ICE2: variants seen among roughly 807,000 people sequenced by gnomAD.
ICE2 encodes little elongation complex subunit 2.
ICE2 carries 87 observed loss-of-function variants against 105.4 expected under a neutral mutation model. That is an observed-to-expected ratio of 0.83 (90% CI 0.69 to 0.99). ICE2 has a LOEUF of 0.99. Among genes scored for constraint, ICE2 ranks in the 50% least tolerant of loss-of-function variants. ICE2 has a pLI of 0.00. For synonymous variants in ICE2, 399 were observed against 392.0 expected (o/e 1.02, Z -0.21); for missense variants, 1,323 against 1,146.7 (o/e 1.15, Z -2.22).
At chr15:60,437,797 G>A (rs1193882179) in intron 12 of ICE2, 2 of 150,760 alleles carry the variant, frequency 1.3e-5, no homozygotes, top group Non-Finnish European at 2.9e-5. Context: ...GACTATAGTT[G>A]TGTGCCACCA....
chr15:60,452,781 G>C (rs766071959), intron 9 of ICE2: 113 of 785,804 alleles, frequency 1.4e-4, no homozygotes, highest in Non-Finnish European at 1.7e-4. Context: ...GTAATATCAT[G>C]ATGCCCATTT....
chr15:60,464,840 G>C lies in ICE2; in HGVS notation c.528+1754C>G, dbSNP rs568022248. Among the ~76,000 whole-genome samples the C allele has an allele frequency of 6.6e-5, 10 of 152,212 alleles. No homozygotes were observed. The East Asian group carries it at 7.7e-4, about 12-fold the overall frequency. On this transcript the variant is annotated intron_variant, in intron 5 of 15. Transcript: ENST00000261520. Reference sequence around the variant, plus strand: ...GAGACCAGCCTGGTGAACACAGGAGGCCCTGTATCTAAAAAAAGTTAGCTG... The same window carrying C: ...GAGACCAGCCTGGTGAACACAGGAGCCCCTGTATCTAAAAAAAGTTAGCTG...
chr15:60,448,995 G>A lies in ICE2; in HGVS notation c.1972C>T (p.Pro658Ser). ...AATTCTGGTACTTTTCTGGAAATTG[G>A]CTTTAAGAGCTCATCCTGCATTTTT... ...ILKMQDELLK[P>S]ISRKVPELPL... The change falls in exon 10 of 16, where the codon CCA becomes TCA. Residue 658 changes from proline (P) to serine (S), a missense_variant. By Grantham distance (74) the Pro-to-Ser change is moderately conservative. Transcript: ENST00000261520. 1 of 1,613,888 alleles carries A rather than the reference G, an allele frequency of 6.2e-7. No homozygotes were observed. The highest frequency in any genetic ancestry group is 1.1e-5 in the South Asian group (1 of 91,070).
chr15:60,458,857 C>T (rs1311735186), intron 5 of ICE2, among the ~76,000 whole-genome samples: 8 of 152,004 alleles, frequency 5.3e-5, no homozygotes, highest in Non-Finnish European at 1.0e-4. Context: ...AAGCCAGTCA[C>T]AAAAAGACAG....
At chr15:60,468,578 G>C (rs997915146) in intron 3 of ICE2, among the ~76,000 whole-genome samples, 2 of 152,150 alleles carry the variant, frequency 1.3e-5, no homozygotes, top group African/African-American at 4.8e-5. Context: ...ATTCAATTTA[G>C]AAGTTTTTTT....
intron 11 of ICE2, among the ~76,000 whole-genome samples, chr15:60,446,356 C>A (rs1295626016): frequency 6.6e-6 from 1 of 151,264 alleles, no homozygotes; most frequent in African/African-American, 2.4e-5. Context: ...GTAGTCAAAC[C>A]CTCATGCCGC....
intron 15 of ICE2, among the ~76,000 whole-genome samples, chr15:60,424,131 A>C (rs1301900583): frequency 2.0e-5 from 3 of 152,156 alleles, no homozygotes; most frequent in African/African-American, 7.2e-5. Flanking sequence ...AGGAAGGAGT[A>C]ATAGGGAGGG....
intron 15 of ICE2, among the ~76,000 whole-genome samples, chr15:60,426,790 A>C (rs921758942): frequency 1.4e-4 from 21 of 152,230 alleles, no homozygotes; most frequent in African/African-American, 4.3e-4. Context: ...ACACAGAATT[A>C]CATGTTATAG....
chr15:60,438,079 C>T (rs75420141), intron 12 of ICE2: 38 of 152,156 alleles, frequency 2.5e-4, no homozygotes, highest in African/African-American at 9.2e-4. Flanking sequence ...TAAAACAAAA[C>T]AGGTTGAGAG....
At chr15:60,478,131 G>C (rs752103707) in intron 1 of ICE2, 62 bp from the exon 2 acceptor site, 1 of 679,114 alleles carries the variant, frequency 1.5e-6, no homozygotes, top group Non-Finnish European at 2.6e-6. Flanking sequence ...GTGCTATTAG[G>C]TGAGGAAGAA....
At position 60,455,199 on chromosome 15, in the gene ICE2, T is replaced by C. The variant is rs370528563; in HGVS notation, c.784-37A>G. On this transcript the variant is annotated intron_variant, in intron 7 of 15. Transcript: ENST00000261520. ...CAAGTAATTTGTTACTTGGTTATAC[T>C]TATTGAAAATTTCTTCAATAAAGAA... 1.2e-5 allele frequency: 19 copies of C among 1,546,414 alleles called. 1 individual carries two copies. The highest frequency in any genetic ancestry group is 2.1e-5 in the Admixed American group (1 of 47,550).
At position 60,443,540 on chromosome 15, in the gene ICE2, G is replaced by A. The variant is rs144916332; in HGVS notation, c.2296-995C>T. Among the ~76,000 whole-genome samples, 51 of 152,268 alleles carry A rather than the reference G, an allele frequency of 3.3e-4. 1 individual carries two copies. Among genetic ancestry groups the A allele is most frequent in the East Asian group, 1.2e-3 (6 of 5,188 alleles). Reference sequence around the variant, plus strand: ...TTCATGTGATTTGCCCTTGAACTACGTGCATGTGAGAAATCTGGTGATCTT... The same window carrying A: ...TTCATGTGATTTGCCCTTGAACTACATGCATGTGAGAAATCTGGTGATCTT... On this transcript the variant is annotated intron_variant, in intron 11 of 15. Coordinates refer to ENST00000261520, the MANE Select transcript of ICE2 (RefSeq NM_024611.6).
intron 1 of ICE2, among the ~76,000 whole-genome samples, 159 bp from the exon 2 acceptor site, chr15:60,478,228 T>G (rs2064823166): frequency 6.6e-6 from 1 of 152,150 alleles, no homozygotes. Context: ...AGAGCAGCAA[T>G]GACGATACAG....
rs1248443908 is a variant in ICE2, at chr15:60,453,456, A to G, written c.1125+147T>C. The G allele has an allele frequency of 2.8e-6, 4 of 1,414,498 alleles. No homozygotes were observed. The African/African-American group carries it at 4.3e-5, about 15-fold the overall frequency. 87.6% of individuals were successfully genotyped at this position (1,414,498 alleles called of 1,614,324 possible). On this transcript the variant is annotated intron_variant, in intron 9 of 15. Transcript: ENST00000261520. Reference sequence around the variant, plus strand: ...GAGGGAGGTTAAGTTAGTTGCCTAAAGTCCAGCTAGACTCGAAATTCAATT... The same window carrying G: ...GAGGGAGGTTAAGTTAGTTGCCTAAGGTCCAGCTAGACTCGAAATTCAATT...
In ICE2 at chr15:60,423,504, T is replaced by G. The variant is rs1176633520; in HGVS notation, c.*130A>C. ...AATATTCCTTCACATAGCCAACACA[T>G]TTTTTCAAGGCACTCTAGCTACTAC... On this transcript the variant is annotated 3_prime_UTR_variant, in exon 16 of 16. Coordinates refer to ENST00000261520, the MANE Select transcript of ICE2 (RefSeq NM_024611.6). 18 of 767,550 alleles carry G rather than the reference T, an allele frequency of 2.3e-5. No individual in the cohort carries two copies. Among genetic ancestry groups the G allele is most frequent in the Non-Finnish European group, 3.5e-5 (18 of 509,148 alleles). 47.5% of individuals were successfully genotyped at this position (767,550 alleles called of 1,614,324 possible).
chr15:60,466,770 ACATTCTTAATCATTG>A lies in ICE2; in HGVS notation c.409-72_409-58del. Reference sequence around the variant, plus strand: ...ATAAAAAGTTTCATTAAAAAGAATCACATTCTTAATCATTGCTATAATAATTTGGACTTAAAGAAT... The same window carrying A: ...ATAAAAAGTTTCATTAAAAAGAATCACTATAATAATTTGGACTTAAAGAAT... On this transcript the variant is annotated intron_variant, in intron 4 of 15. Transcript: ENST00000261520. 1.4e-6 allele frequency: 2 copies of A among 1,381,544 alleles called. 1 individual carries two copies. Among genetic ancestry groups the A allele is most frequent in the South Asian group, 2.5e-5 (2 of 79,588 alleles). 85.6% of individuals were successfully genotyped at this position (1,381,544 alleles called of 1,614,324 possible).
chr15:60,457,568 C>CTA (rs1163801465), intron 5 of ICE2, among the ~76,000 whole-genome samples: 2 of 152,078 alleles, frequency 1.3e-5, no homozygotes, highest in African/African-American at 4.8e-5. Context: ...TATCTTTATC[C>CTA]TATATATCTA....
At chr15:60,458,738 CACAA>C (rs1352213134) in intron 5 of ICE2, among the ~76,000 whole-genome samples, 1 of 152,062 alleles carries the variant, frequency 6.6e-6, no homozygotes, top group Admixed American at 6.6e-5. Flanking sequence ...CACGCGCACA[CACAA>C]ACACACACAC....
chr15:60,479,079 C>A lies in ICE2; in HGVS notation c.-169G>T, dbSNP rs974900490. 1.4e-3 allele frequency: 635 copies of A among 450,334 alleles called. 12 individuals carry two copies. The highest frequency in any genetic ancestry group is 2.2e-4 in the Non-Finnish European group (50 of 223,028). The allele number at this position is 450,334 out of a possible 1,614,324, so 27.9% of individuals were successfully genotyped here. On this transcript the variant is annotated 5_prime_UTR_variant, in exon 1 of 16. Transcript: ENST00000261520. ...CTCCACCCCACTCCTCACATTGTCG[C>A]GCGCGCCCAAAAAAGACCATATTTA...
Sources: allele counts gnomAD v4.1 joint callset (sites outside exome capture counted in the v4.1 genomes callset), GRCh38; gene constraint gnomAD v4.1.1; transcripts MANE v1.5; gene names NCBI Gene and HGNC (gene_info 2026-07-23, HGNC 2026-07-21).